The following PARPBP variants were observed in gnomAD, a reference collection of about 807,000 sequenced individuals.
The protein encoded by PARPBP is PARP1 binding protein.
A neutral mutation model predicts 50.0 loss-of-function variants in PARPBP; 52 were observed. The ratio of observed to expected loss-of-function variants is 1.04; its 90% confidence interval spans 0.83 to 1.31. The LOEUF is 1.31. Among genes scored for constraint, PARPBP ranks in the 50% most tolerant of loss-of-function variants. The pLI is 0.00. For synonymous variants in PARPBP, 244 were observed against 232.1 expected, an observed-to-expected ratio of 1.05 and a Z score of -0.47; for missense variants, 697 against 672.0, an observed-to-expected ratio of 1.04 and a Z score of -0.41.
chr12:102,152,316 A>T (rs1886310805), intron 3 of PARPBP, among the ~76,000 whole-genome samples: 1 of 151,756 alleles, frequency 6.6e-6, no homozygotes, highest in African/African-American at 2.4e-5. Context: ...CTCAAACTGC[A>T]GGATGGGTGG....
In PARPBP at chr12:102,123,876, C is replaced by T. The variant is rs1426306054; in HGVS notation, c.-3-10C>T. 3 of 1,527,496 alleles carry T rather than the reference C, an allele frequency of 2.0e-6. No homozygotes were observed. Among genetic ancestry groups the T allele is most frequent in the Non-Finnish European group, 1.8e-6 (2 of 1,139,554 alleles). 94.6% of individuals were successfully genotyped at this position (1,527,496 alleles called of 1,614,324 possible). Reference sequence around the variant, plus strand: ...AGATACTTTAACTTTGTATTCTGTCCTACTTTAAGATAATGGCTGTGTTTA... The same window carrying T: ...AGATACTTTAACTTTGTATTCTGTCTTACTTTAAGATAATGGCTGTGTTTA... On this transcript the variant is annotated splice_polypyrimidine_tract_variant and intron_variant, in intron 1 of 10. Transcript: ENST00000327680.
intron 2 of PARPBP, among the ~76,000 whole-genome samples, chr12:102,132,530 A>G (rs545624490): frequency 1.3e-4 from 20 of 152,304 alleles, no homozygotes; most frequent in Non-Finnish European, 2.5e-4. Context: ...TTTTTATGCT[A>G]GTACTATGCT....
At chr12:102,185,293 G>T (rs1890203102) in intron 9 of PARPBP, among the ~76,000 whole-genome samples, 1 of 152,176 alleles carries the variant, frequency 6.6e-6, no homozygotes, top group African/African-American at 2.4e-5. Flanking sequence ...AGGATCATAT[G>T]ATTTTTGTCC....
chr12:102,189,231 A>G (rs191000546), intron 9 of PARPBP, among the ~76,000 whole-genome samples: 2 of 152,346 alleles, frequency 1.3e-5, no homozygotes, highest in East Asian at 3.9e-4. Context: ...AAAGTTGCCT[A>G]TGGGTTCCAA....
At chr12:102,135,536 C>CAAAAAA (rs34890863) in intron 2 of PARPBP, among the ~76,000 whole-genome samples, 1 of 50,546 alleles carries the variant, frequency 2.0e-5, no homozygotes, top group Non-Finnish European at 4.1e-5. Flanking sequence ...ACTCCGTCTC[C>CAAAAAA]AAAAAAAAAA....
intron 9 of PARPBP, among the ~76,000 whole-genome samples, chr12:102,192,131 T>A (rs1324220299): frequency 6.6e-6 from 1 of 152,152 alleles, no homozygotes; most frequent in Non-Finnish European, 1.5e-5. Context: ...TAAGTTCATT[T>A]TTTTGAGCTG....
intron 8 of PARPBP, among the ~76,000 whole-genome samples, chr12:102,182,283 A>G (rs1889900074): frequency 6.6e-6 from 1 of 152,188 alleles, no homozygotes; most frequent in Non-Finnish European, 1.5e-5. Context: ...ATTTTGCCCA[A>G]CAGATATTGG....
chr12:102,186,570 A>G (rs1422129671), intron 9 of PARPBP, among the ~76,000 whole-genome samples: 1 of 152,110 alleles, frequency 6.6e-6, no homozygotes. Context: ...TAATTTATTA[A>G]GCACTTTAAG....
intron 9 of PARPBP, among the ~76,000 whole-genome samples, chr12:102,190,736 A>G (rs1890721283): frequency 6.6e-6 from 1 of 152,120 alleles, no homozygotes; most frequent in South Asian, 2.1e-4. Flanking sequence ...CAGTTGTCAA[A>G]CTGTAAGGGT....
intron 1 of PARPBP, among the ~76,000 whole-genome samples, chr12:102,121,545 CTTT>C (rs35855638): frequency 1.1e-4 from 10 of 87,182 alleles, no homozygotes; most frequent in Admixed American, 1.3e-4. Flanking sequence ...TAGTAATGCT[CTTT>C]TTTTTTTTTT....
chr12:102,167,731 C>T (rs944779216), intron 6 of PARPBP, among the ~76,000 whole-genome samples: 5 of 152,126 alleles, frequency 3.3e-5, no homozygotes, highest in Non-Finnish European at 5.9e-5. Context: ...CTCACAGTTC[C>T]GTATGTAGAC....
intron 9 of PARPBP, among the ~76,000 whole-genome samples, chr12:102,188,440 T>G (rs1326152840): frequency 6.6e-6 from 1 of 151,946 alleles, no homozygotes; most frequent in Non-Finnish European, 1.5e-5. Flanking sequence ...GAGGAAGAGA[T>G]AAGAACCAGA....
At chr12:102,163,390 G>C (rs774190253) in intron 4 of PARPBP, among the ~76,000 whole-genome samples, 16 of 152,106 alleles carry the variant, frequency 1.1e-4, no homozygotes, top group Non-Finnish European at 2.1e-4. Flanking sequence ...CTGCACTCAA[G>C]ATTTTCTCTT....
Position 102,164,438 on chromosome 12 carries a change from G to A in PARPBP, c.496G>A (p.Val166Met), listed in dbSNP as rs757053925. The change falls in exon 5 of 11, where the codon GTG becomes ATG. Residue 166 changes from valine (V) to methionine (M), a missense_variant and splice_region_variant. Coordinates refer to ENST00000327680, the MANE Select transcript of PARPBP (RefSeq NM_017915.5). ...ATTAACTGAATATTTTATTGCACAG[G>A]TGCAGCTGCTAGCAAGGAAAATTAT... ...TSKYNRDNEK[V>M]QLLARKIIFS... The A allele has an allele frequency of 1.9e-6, 3 of 1,606,746 alleles. No homozygotes were observed. In the South Asian group the frequency reaches 3.3e-5, roughly 18 times the overall value.
At chr12:102,131,283 C>T (rs1882815292) in intron 2 of PARPBP, among the ~76,000 whole-genome samples, 1 of 152,180 alleles carries the variant, frequency 6.6e-6, no homozygotes, top group Non-Finnish European at 1.5e-5. Context: ...TGAGATTACA[C>T]CACTGCACTC....
At chr12:102,120,523 A>T (rs1880847632) in intron 1 of PARPBP, 3 of 456,416 alleles carry the variant, frequency 6.6e-6, no homozygotes, top group Admixed American at 2.4e-5. Context: ...GCAGCTTGGA[A>T]GACAGGCCCG....
chr12:102,139,553 C>G (rs1471557897), intron 2 of PARPBP, among the ~76,000 whole-genome samples: 1 of 152,186 alleles, frequency 6.6e-6, no homozygotes, highest in Non-Finnish European at 1.5e-5. Flanking sequence ...GCATCCCTGT[C>G]TTGTGCAAGT....
chr12:102,164,598 C>CT lies in PARPBP; in HGVS notation c.657dup (p.Ile220TyrfsTer10), dbSNP rs779749425. 7.4e-6 allele frequency: 12 copies of CT among 1,613,196 alleles called. No homozygotes were observed. Among genetic ancestry groups the CT allele is most frequent in the Admixed American group, 6.7e-5 (4 of 59,992 alleles). ...CATGCTGCTCGAGAGAAACAAATGT[C>CT]TATCTTTTTGGTATGGTTGTGTGAC... On this transcript the variant is annotated frameshift_variant, in exon 5 of 11. Coordinates refer to ENST00000327680, the MANE Select transcript of PARPBP (RefSeq NM_017915.5). LOFTEE classifies it high-confidence loss of function.
At chr12:102,150,834 C>A (rs550912112) in intron 3 of PARPBP, among the ~76,000 whole-genome samples, 2 of 152,314 alleles carry the variant, frequency 1.3e-5, no homozygotes, top group South Asian at 2.1e-4. Flanking sequence ...CTCATATTCC[C>A]TGACCCTCAA....
Sources: gnomAD v4.1 joint callset for allele counts (sites outside exome capture counted in the v4.1 genomes callset) on GRCh38, gnomAD v4.1.1 for gene constraint, MANE v1.5 for transcripts, NCBI Gene and HGNC (gene_info 2026-07-23, HGNC 2026-07-21) for gene names.